The following LRRC26 variants were observed in gnomAD, a reference collection of about 807,000 sequenced individuals.
LRRC26 encodes the protein leucine rich repeat containing 26, also known as leucine-rich repeat-containing protein 26.
Under a neutral mutation model 15.3 loss-of-function variants are expected in LRRC26, and 17 were observed. The observed-to-expected ratio is 1.11, with a 90% CI of 0.76 to 1.66. The LOEUF (loss-of-function observed/expected upper bound fraction) is 1.66. LRRC26 is among the 40% of genes most tolerant of loss of function. The pLI is 0.00. For synonymous variants in LRRC26, 301 were observed against 272.1 expected (o/e 1.11, Z -1.05); for missense variants, 573 against 501.0 (o/e 1.14, Z -1.37).
At position 137,169,755 on chromosome 9, in the gene LRRC26, GGGCAGCGAGAGTGCCGAGCAGCT is replaced by G; in HGVS notation, c.166_188del (p.Ser56ArgfsTer188). ...GCAGGCTCAGGCCCGGGGGCACGGC[GGGCAGCGAGAGTGCCGAGCAGCT>G]GGCCAGGCCTCCCGGCACGCACGTG... On this transcript the variant is annotated frameshift_variant, in exon 1 of 2. Coordinates refer to ENST00000371542, the MANE Select transcript of LRRC26 (RefSeq NM_001013653.3). LOFTEE classifies it high-confidence loss of function. 2 of 1,402,790 alleles carry G rather than the reference GGGCAGCGAGAGTGCCGAGCAGCT, an allele frequency of 1.4e-6. No individual in the cohort carries two copies. Among genetic ancestry groups the G allele is most frequent in the Non-Finnish European group, 1.8e-6 (2 of 1,089,364 alleles). 86.9% of individuals were successfully genotyped at this position (1,402,790 alleles called of 1,614,324 possible). A position where few individuals can be genotyped will look rare whatever the true frequency, so the allele number is the denominator to read the frequency against.
At position 137,169,930 on chromosome 9, in the gene LRRC26, GA is replaced by G; in HGVS notation, c.13del (p.Ser5ProfsTer65). On this transcript the variant is annotated frameshift_variant, in exon 1 of 2. Coordinates refer to ENST00000371542, the MANE Select transcript of LRRC26 (RefSeq NM_001013653.3). LOFTEE classifies it high-confidence loss of function. ...CAGCAGCGGCCGAGGCCGCGACCAGGAAGGGCCCCGCATGGGGGCAGCCCCC... is the reference window on the plus strand; with the variant it reads ...CAGCAGCGGCCGAGGCCGCGACCAGGAGGGCCCCGCATGGGGGCAGCCCCC... The part of the protein sequence containing the change: MRGP[S>X]WSRPRPLLLL... The G allele has an allele frequency of 6.9e-7, 1 of 1,457,546 alleles. No homozygotes were observed. The highest frequency in any genetic ancestry group is 9.0e-7 in the Non-Finnish European group (1 of 1,115,030). The allele number at this position is 1,457,546 out of a possible 1,614,324, so 90.3% of individuals were successfully genotyped here. A position where few individuals can be genotyped will look rare whatever the true frequency, so the allele number is the denominator to read the frequency against.
chr9:137,169,301 A>AGGCGCAGAGCG lies in LRRC26; in HGVS notation c.632_642dup (p.Trp215ArgfsTer27). ...GCGGGCAGCGGGTGCCGGCGCAGCC[A>AGGCGCAGAGCG]GGCGCAGAGCGGGCGCAGCGCGCAC... On this transcript the variant is annotated frameshift_variant, in exon 1 of 2. Coordinates refer to ENST00000371542, the MANE Select transcript of LRRC26 (RefSeq NM_001013653.3). LOFTEE classifies it low-confidence loss of function (END_TRUNC). 7.1e-7 allele frequency: 1 copy of AGGCGCAGAGCG among 1,409,350 alleles called. No individual in the cohort carries two copies. The highest frequency in any genetic ancestry group is 9.2e-7 in the Non-Finnish European group (1 of 1,089,286). 87.3% of individuals were successfully genotyped at this position (1,409,350 alleles called of 1,614,324 possible).
At position 137,169,298 on chromosome 9, in the gene LRRC26, GCC is replaced by G; in HGVS notation, c.644_645del (p.Trp215SerfsTer36). On this transcript the variant is annotated frameshift_variant, in exon 1 of 2. Transcript: ENST00000371542. LOFTEE classifies it low-confidence loss of function (END_TRUNC). ...GACGCGGGCAGCGGGTGCCGGCGCA[GCC>G]AGGCGCAGAGCGGGCGCAGCGCGCA... ...CGCALRPLCA[W>X]LRRHPLPASE... 1 of 1,406,988 alleles carries G rather than the reference GCC, an allele frequency of 7.1e-7. No individual in the cohort carries two copies. The highest frequency in any genetic ancestry group is 1.5e-5 in the South Asian group (1 of 66,472). The allele number at this position is 1,406,988 out of a possible 1,614,324, so 87.2% of individuals were successfully genotyped here.
rs1488359461 is a variant in LRRC26, at chr9:137,169,608, C to T, written c.336G>A (p.Val112=). 4 of 1,520,620 alleles carry T rather than the reference C, an allele frequency of 2.6e-6. No individual in the cohort carries two copies. The highest frequency in any genetic ancestry group is 2.0e-5 in the Admixed American group (1 of 49,764). 94.2% of individuals were successfully genotyped at this position (1,520,620 alleles called of 1,614,324 possible). The stretch of plus-strand genomic sequence containing the variant: ...GCGCGCCCAGGCCCCAGAAGGCTCG[C>T]ACATGCACCGAGTGCAGCCCGTTCT... ...LRENGLHSVH[V]RAFWGLGALQ... The change falls in exon 1 of 2, where the codon GTG becomes GTA. Residue 112 remains valine (V), a synonymous_variant. Transcript: ENST00000371542.
Position 137,169,054 on chromosome 9 carries a change from C to G in LRRC26, c.805G>C (p.Gly269Arg), listed in dbSNP as rs867722799. The change falls in exon 2 of 2, where the codon GGG (glycine) becomes CGG (arginine). Residue 269 changes from glycine to arginine, a missense_variant. Transcript: ENST00000371542. ...LRDLAVVYTL[G>R]PASFLVSLAS... ...AGGCTGACGAGGAAGGAGGCCGGCCCGAGCGTGTAAACCACGGCCAGGTCC... is the reference window on the plus strand; with the variant it reads ...AGGCTGACGAGGAAGGAGGCCGGCCGGAGCGTGTAAACCACGGCCAGGTCC... The G allele has an allele frequency of 3.2e-6, 5 of 1,548,660 alleles. No individual in the cohort carries two copies. Among genetic ancestry groups the G allele is most frequent in the Non-Finnish European group, 4.3e-6 (5 of 1,154,706 alleles).
At position 137,169,767 on chromosome 9, in the gene LRRC26, T is replaced by G. The variant is rs12000091; in HGVS notation, c.177A>C (p.Ala59=). ...CVPGGLASCS[A]LSLPAVPPGL... is the part of the protein sequence containing the mutation. ...CCGGGGGCACGGCGGGCAGCGAGAG[T>G]GCCGAGCAGCTGGCCAGGCCTCCCG... The change falls in exon 1 of 2, where the codon GCA becomes GCC. Residue 59 remains alanine (A), a synonymous_variant. Coordinates refer to ENST00000371542, the MANE Select transcript of LRRC26 (RefSeq NM_001013653.3). 2.9e-6 allele frequency: 4 copies of G among 1,392,806 alleles called. No homozygotes were observed. The highest frequency in any genetic ancestry group is 1.6e-5 in the South Asian group (1 of 62,082). The allele number at this position is 1,392,806 out of a possible 1,614,324, so 86.3% of individuals were successfully genotyped here.
rs1485609164 is a variant in LRRC26, at chr9:137,169,228, C to A, written c.673+43G>T. 5 of 1,389,124 alleles carry A rather than the reference C, an allele frequency of 3.6e-6. No homozygotes were observed. In the South Asian group the frequency reaches 4.9e-5, roughly 14 times the overall value. 86.0% of individuals were successfully genotyped at this position (1,389,124 alleles called of 1,614,324 possible). Reference sequence around the variant, plus strand: ...AGGCGCGGCGTCAGGTGGCGGCTGCCGCACCGCCCTGCAGACCCCGACCCG... The same window carrying A: ...AGGCGCGGCGTCAGGTGGCGGCTGCAGCACCGCCCTGCAGACCCCGACCCG... On this transcript the variant is annotated intron_variant, in intron 1 of 1. Coordinates refer to ENST00000371542, the MANE Select transcript of LRRC26 (RefSeq NM_001013653.3).
At position 137,169,502 on chromosome 9, in the gene LRRC26, G is replaced by C. The variant is rs1165440468; in HGVS notation, c.442C>G (p.Leu148Val). ...GCCAGCCGGTTGCCGGCCAATGAGA[G>C]GTTGCGCAGCGCGCGCAGCGGCGCG... ...TFAPLRALRN[L>V]SLAGNRLARL... is the part of the protein sequence containing the mutation. Residue 148 changes from leucine (L) to valine (V), a missense_variant, in exon 1 of 2, where the codon CTC (leucine) becomes GTC (valine). Coordinates refer to ENST00000371542, the MANE Select transcript of LRRC26 (RefSeq NM_001013653.3). 2.0e-6 allele frequency: 3 copies of C among 1,524,520 alleles called. No homozygotes were observed. Among genetic ancestry groups the C allele is most frequent in the Admixed American group, 4.0e-5 (2 of 50,554 alleles). The allele number at this position is 1,524,520 out of a possible 1,614,324, so 94.4% of individuals were successfully genotyped here.
In LRRC26 at chr9:137,169,313, G is replaced by GGCGCAGCGCGC. The variant is rs1554772041; in HGVS notation, c.620_630dup (p.Pro211AlafsTer31). ...TGCCGGCGCAGCCAGGCGCAGAGCG[G>GGCGCAGCGCGC]GCGCAGCGCGCACCCGCAGCCCCAA... On this transcript the variant is annotated frameshift_variant, in exon 1 of 2. Transcript: ENST00000371542. LOFTEE classifies it low-confidence loss of function (END_TRUNC). 4 of 1,425,990 alleles carry GGCGCAGCGCGC rather than the reference G, an allele frequency of 2.8e-6. No homozygotes were observed. Among genetic ancestry groups the GGCGCAGCGCGC allele is most frequent in the Non-Finnish European group, 2.7e-6 (3 of 1,097,456 alleles). 88.3% of individuals were successfully genotyped at this position (1,425,990 alleles called of 1,614,324 possible). A position where few individuals can be genotyped will look rare whatever the true frequency, so the allele number is the denominator to read the frequency against.
chr9:137,169,038 AG>A lies in LRRC26; in HGVS notation c.820del (p.Leu274SerfsTer?). On this transcript the variant is annotated frameshift_variant, in exon 2 of 2. Transcript: ENST00000371542. LOFTEE classifies it low-confidence loss of function (END_TRUNC). ...VVYTLGPASF[L>X]VSLASCLALG... is the part of the protein sequence containing the mutation. ...CGCCAGGCAGGAAGCCAGGCTGACGAGGAAGGAGGCCGGCCCGAGCGTGTAA... is the reference window on the plus strand; with the variant it reads ...CGCCAGGCAGGAAGCCAGGCTGACGAGAAGGAGGCCGGCCCGAGCGTGTAA... The A allele has an allele frequency of 6.5e-7, 1 of 1,534,428 alleles. No individual in the cohort carries two copies. Among genetic ancestry groups the A allele is most frequent in the Non-Finnish European group, 8.7e-7 (1 of 1,147,856 alleles).
rs1480834138 is a variant in LRRC26, at chr9:137,169,081, G to C, written c.778C>G (p.Arg260Gly). The change falls in exon 2 of 2, where the codon CGG becomes GGG. Residue 260 changes from arginine to glycine, a missense_variant. Physicochemically the swap from Arg to Gly is moderately radical, Grantham distance 125 (BLOSUM62 -2). Transcript: ENST00000371542. Reference protein sequence around the residue: ...FSHCAQPLALRDLAVVYTLGP... With the variant: ...FSHCAQPLALGDLAVVYTLGP... ...AGCGTGTAAACCACGGCCAGGTCCC[G>C]CAGGGCGAGCGGCTGCGCGCAATGG... is the stretch of plus-strand genomic sequence containing the variant. The C allele has an allele frequency of 6.4e-7, 1 of 1,558,734 alleles. No individual in the cohort carries two copies. The highest frequency in any genetic ancestry group is 2.6e-5 in the East Asian group (1 of 38,850).
At position 137,169,277 on chromosome 9, in the gene LRRC26, C is replaced by T. The variant is rs1157594300; in HGVS notation, c.667G>A (p.Ala223Thr). Residue 223 changes from alanine (A) to threonine (T), a missense_variant, in exon 1 of 2, where the codon GCG (alanine) becomes ACG (threonine). Coordinates refer to ENST00000371542, the MANE Select transcript of LRRC26 (RefSeq NM_001013653.3). ...CAWLRRHPLP[A>T]SEAETVLCVW... Reference sequence around the variant, plus strand: ...CGCGTCCCCAGCAGCTCACCTGACGCGGGCAGCGGGTGCCGGCGCAGCCAG... The same window carrying T: ...CGCGTCCCCAGCAGCTCACCTGACGTGGGCAGCGGGTGCCGGCGCAGCCAG... 12 of 1,378,508 alleles carry T rather than the reference C, an allele frequency of 8.7e-6. No homozygotes were observed. Among genetic ancestry groups the T allele is most frequent in the South Asian group, 3.3e-5 (2 of 60,684 alleles). 85.4% of individuals were successfully genotyped at this position (1,378,508 alleles called of 1,614,324 possible).
In LRRC26 at chr9:137,169,305, G is replaced by T. The variant is rs1834032328; in HGVS notation, c.639C>A (p.Cys213Ter). 2 of 1,417,046 alleles carry T rather than the reference G, an allele frequency of 1.4e-6. No individual in the cohort carries two copies. The highest frequency in any genetic ancestry group is 3.0e-5 in the African/African-American group (2 of 66,144). 87.8% of individuals were successfully genotyped at this position (1,417,046 alleles called of 1,614,324 possible). A position where few individuals can be genotyped will look rare whatever the true frequency, so the allele number is the denominator to read the frequency against. ...WGCGCALRPL[C>*]AWLRRHPLPA... ...GCAGCGGGTGCCGGCGCAGCCAGGCGCAGAGCGGGCGCAGCGCGCACCCGC... is the reference window on the plus strand; with the variant it reads ...GCAGCGGGTGCCGGCGCAGCCAGGCTCAGAGCGGGCGCAGCGCGCACCCGC... The change falls in exon 1 of 2, where the codon TGC becomes TGA. Residue 213 changes from cysteine (C) to a stop codon, truncating the protein, a stop_gained. Transcript: ENST00000371542. LOFTEE classifies it low-confidence loss of function (END_TRUNC).
At position 137,168,915 on chromosome 9, in the gene LRRC26, T is replaced by C; in HGVS notation, c.944A>G (p.Asp315Gly). 4 of 1,326,482 alleles carry C rather than the reference T, an allele frequency of 3.0e-6. No homozygotes were observed. The highest frequency in any genetic ancestry group is 3.8e-6 in the Non-Finnish European group (4 of 1,045,744). 82.2% of individuals were successfully genotyped at this position (1,326,482 alleles called of 1,614,324 possible). A position where few individuals can be genotyped will look rare whatever the true frequency, so the allele number is the denominator to read the frequency against. Residue 315 changes from aspartate (D) to glycine (G), a missense_variant, in exon 2 of 2, where the codon GAC becomes GGC. Transcript: ENST00000371542. ...PRPPDPNPDP[D>G]PHGCASPADP... ...CGCGGGCGAGGCACAGCCGTGGGGG[T>C]CGGGATCGGGGTTCGGGTCTGGCGG...
rs1365494836 is a variant in LRRC26 at position 137,168,788 on chromosome 9, C to T, written c.*66G>A. 6.2e-6 allele frequency: 7 copies of T among 1,135,864 alleles called. No individual in the cohort carries two copies. The African/African-American group carries it at 1.1e-4, about 18-fold the overall frequency. The allele number at this position is 1,135,864 out of a possible 1,614,324, so 70.4% of individuals were successfully genotyped here. A position where few individuals can be genotyped will look rare whatever the true frequency, so the allele number is the denominator to read the frequency against. On this transcript the variant is annotated 3_prime_UTR_variant, in exon 2 of 2. Transcript: ENST00000371542. ...GGTCTGTGTCGCTTGTTGACGCCGG[C>T]AGACAGTGTAAAGGGAGGGCAAAGG...
In LRRC26 at chr9:137,168,947, C is replaced by A; in HGVS notation, c.912G>T (p.Pro304=). The change falls in exon 2 of 2, where the codon CCG becomes CCT. Residue 304 remains proline, a synonymous_variant. Coordinates refer to ENST00000371542, the MANE Select transcript of LRRC26 (RefSeq NM_001013653.3). ...CGGGGTTCGGGTCTGGCGGTCTCGGCGGGCGGAGGGCGGCGGTGCGGAGGC... is the reference window on the plus strand; with the variant it reads ...CGGGGTTCGGGTCTGGCGGTCTCGGAGGGCGGAGGGCGGCGGTGCGGAGGC... ...RRRLRTAALR[P]PRPPDPNPDP... 1.4e-6 allele frequency: 2 copies of A among 1,386,292 alleles called. No homozygotes were observed. The highest frequency in any genetic ancestry group is 9.3e-7 in the Non-Finnish European group (1 of 1,077,726). 85.9% of individuals were successfully genotyped at this position (1,386,292 alleles called of 1,614,324 possible).
chr9:137,169,490 C>T lies in LRRC26; in HGVS notation c.454G>A (p.Gly152Ser). 1.3e-6 allele frequency: 2 copies of T among 1,521,526 alleles called. No homozygotes were observed. Among genetic ancestry groups the T allele is most frequent in the Non-Finnish European group, 1.8e-6 (2 of 1,141,604 alleles). 94.3% of individuals were successfully genotyped at this position (1,521,526 alleles called of 1,614,324 possible). A position where few individuals can be genotyped will look rare whatever the true frequency, so the allele number is the denominator to read the frequency against. The change falls in exon 1 of 2, where the codon GGC becomes AGC. Residue 152 changes from glycine to serine, a missense_variant. Transcript: ENST00000371542. ...LRALRNLSLA[G>S]NRLARLEPAA... ...GGCTCCAGGCGCGCCAGCCGGTTGC[C>T]GGCCAATGAGAGGTTGCGCAGCGCG...
chr9:137,169,474 C>G lies in LRRC26; in HGVS notation c.470G>C (p.Arg157Pro). 1 of 1,520,076 alleles carries G rather than the reference C, an allele frequency of 6.6e-7. No individual in the cohort carries two copies. The highest frequency in any genetic ancestry group is 1.2e-5 in the South Asian group (1 of 82,572). 94.2% of individuals were successfully genotyped at this position (1,520,076 alleles called of 1,614,324 possible). A position where few individuals can be genotyped will look rare whatever the true frequency, so the allele number is the denominator to read the frequency against. Residue 157 changes from arginine to proline, a missense_variant, in exon 1 of 2, where the codon CGC becomes CCC. Transcript: ENST00000371542. ...CGCGCCTAGCGCCGCGGGCTCCAGG[C>G]GCGCCAGCCGGTTGCCGGCCAATGA... ...NLSLAGNRLA[R>P]LEPAALGALP...
chr9:137,169,315 C>T lies in LRRC26; in HGVS notation c.629G>A (p.Arg210His). The change falls in exon 1 of 2, where the codon CGC becomes CAC. Residue 210 changes from arginine to histidine, a missense_variant. Physicochemically the swap from Arg to His is conservative, Grantham distance 29. Coordinates refer to ENST00000371542, the MANE Select transcript of LRRC26 (RefSeq NM_001013653.3). ...GNPWGCGCAL[R>H]PLCAWLRRHP... ...CCGGCGCAGCCAGGCGCAGAGCGGG[C>T]GCAGCGCGCACCCGCAGCCCCAAGG... 1 of 1,427,074 alleles carries T rather than the reference C, an allele frequency of 7.0e-7. No individual in the cohort carries two copies. Among genetic ancestry groups the T allele is most frequent in the Non-Finnish European group, 9.1e-7 (1 of 1,097,930 alleles). The allele number at this position is 1,427,074 out of a possible 1,614,324, so 88.4% of individuals were successfully genotyped here. A position where few individuals can be genotyped will look rare whatever the true frequency, so the allele number is the denominator to read the frequency against.
Sources: gnomAD v4.1 joint callset for allele counts on GRCh38, gnomAD v4.1.1 for gene constraint, MANE v1.5 for transcripts, NCBI Gene and HGNC (gene_info 2026-07-23, HGNC 2026-07-21) for gene names.